The following DLGAP2 variants were observed in gnomAD, a reference collection of about 807,000 sequenced individuals.
DLGAP2 encodes the protein DLG associated protein 2.
A neutral mutation model predicts 100.3 loss-of-function variants in DLGAP2; 26 were observed. The ratio of observed to expected loss-of-function variants is 0.26; its 90% confidence interval spans 0.19 to 0.36. The LOEUF (loss-of-function observed/expected upper bound fraction) is 0.36. Among genes scored for constraint, DLGAP2 ranks in the 10% least tolerant of loss-of-function variants. DLGAP2 has a pLI of 1.00. For missense variants in DLGAP2, 1,858 were observed against 1,453.2 expected (o/e 1.28, Z -4.53); for synonymous variants, 886 against 630.1 (o/e 1.41, Z -6.08).
chr8:1,555,043 A>T (rs776887386), intron 5 of DLGAP2, among the ~76,000 whole-genome samples: 8 of 152,162 alleles, frequency 5.3e-5, no homozygotes, highest in Non-Finnish European at 1.2e-4. Context: ...GCAATTTGAA[A>T]GGAGGGCTTT....
intron 2 of DLGAP2, among the ~76,000 whole-genome samples, chr8:934,582 C>T (rs1186816867): frequency 2.0e-5 from 3 of 152,156 alleles, no homozygotes. Flanking sequence ...AGCGAGTGCT[C>T]ACTTCTGCGA....
At chr8:770,299 G>A (rs1271338653) in intron 1 of DLGAP2, among the ~76,000 whole-genome samples, 2 of 152,086 alleles carry the variant, frequency 1.3e-5, no homozygotes, top group Non-Finnish European at 2.9e-5. Context: ...GGAGGTGTGA[G>A]GGAGGCCTTG....
chr8:740,686 T>G (rs1367797983), intron 1 of DLGAP2, among the ~76,000 whole-genome samples: 2 of 152,258 alleles, frequency 1.3e-5, no homozygotes, highest in Admixed American at 6.5e-5. Flanking sequence ...TTGTTTTGTT[T>G]TATTTTGAAG....
chr8:1,420,417 C>G (rs1405116111), intron 3 of DLGAP2, among the ~76,000 whole-genome samples: 2 of 152,182 alleles, frequency 1.3e-5, no homozygotes, highest in African/African-American at 4.8e-5. Flanking sequence ...GCGATTCTCT[C>G]TTCCACTCTA....
chr8:935,013 G>A (rs933783879), intron 2 of DLGAP2, among the ~76,000 whole-genome samples: 4 of 152,060 alleles, frequency 2.6e-5, no homozygotes, highest in South Asian at 2.1e-4. Context: ...TGTATTACTC[G>A]GCTTCCGTTG....
At chr8:1,249,281 TCTGTGGGTC>T (rs1390214934) in intron 2 of DLGAP2, among the ~76,000 whole-genome samples, 10 of 152,160 alleles carry the variant, frequency 6.6e-5, no homozygotes, top group African/African-American at 2.4e-4. Flanking sequence ...ACTGGGCCTC[TCTGTGGGTC>T]CCGTGGGAAG....
At chr8:1,052,229 A>G (rs1282059170) in intron 2 of DLGAP2, among the ~76,000 whole-genome samples, 1 of 152,084 alleles carries the variant, frequency 6.6e-6, no homozygotes, top group Non-Finnish European at 1.5e-5. Flanking sequence ...ATGCATGTAG[A>G]CAGTTCATAC....
intron 3 of DLGAP2, among the ~76,000 whole-genome samples, chr8:1,281,683 C>T (rs1007908148): frequency 2.0e-5 from 3 of 152,148 alleles, no homozygotes; most frequent in African/African-American, 7.2e-5. Flanking sequence ...AAATTCAGCT[C>T]CCCACACTCC....
chr8:1,186,086 C>T (rs1220469323), intron 2 of DLGAP2, among the ~76,000 whole-genome samples: 1 of 152,158 alleles, frequency 6.6e-6, no homozygotes, highest in African/African-American at 2.4e-5. Context: ...GAATCCTGCC[C>T]GGGCCACCTC....
chr8:1,439,724 C>G (rs998529487), intron 3 of DLGAP2, among the ~76,000 whole-genome samples: 2 of 152,154 alleles, frequency 1.3e-5, no homozygotes, highest in African/African-American at 4.8e-5. Context: ...ATCCCCTAGG[C>G]TGCTTTGGAT....
At chr8:1,624,843 CTT>C (rs1251280017) in intron 6 of DLGAP2, among the ~76,000 whole-genome samples, 1 of 145,392 alleles carries the variant, frequency 6.9e-6, no homozygotes, top group Non-Finnish European at 1.5e-5. Flanking sequence ...CCTCCCTTTG[CTT>C]TCTCTCTCTC....
chr8:1,697,179 G>T lies in DLGAP2; in HGVS notation c.2829G>T (p.Gln943His), dbSNP rs1344567996. Residue 943 changes from glutamine to histidine, a missense_variant, in exon 14 of 15, where the codon CAG (glutamine) becomes CAT (histidine). Transcript: ENST00000637795. The part of the protein sequence containing the change: ...DPSAMPRPTS[Q>H]DLAGYWDMLQ... ...GCGCCATGCCGAGGCCGACGTCGCAGGACCTGGCCGGCTACTGGGACATGC... is the reference window on the plus strand; with the variant it reads ...GCGCCATGCCGAGGCCGACGTCGCATGACCTGGCCGGCTACTGGGACATGC... 4 of 1,607,068 alleles carry T rather than the reference G, an allele frequency of 2.5e-6. No individual in the cohort carries two copies. In the African/African-American group the frequency reaches 5.3e-5, roughly 21 times the overall value.
intron 2 of DLGAP2, among the ~76,000 whole-genome samples, chr8:1,064,594 C>G (rs905577730): frequency 6.6e-6 from 1 of 152,244 alleles, no homozygotes; most frequent in African/African-American, 2.4e-5. Flanking sequence ...TACTTAAACA[C>G]TATTTAATTT....
intron 2 of DLGAP2, among the ~76,000 whole-genome samples, chr8:1,175,136 C>G (rs1423884091): frequency 1.3e-5 from 2 of 152,134 alleles, no homozygotes; most frequent in African/African-American, 4.8e-5. Context: ...CTGGAAGAAT[C>G]TATTTTGTTA....
intron 3 of DLGAP2, among the ~76,000 whole-genome samples, chr8:1,446,574 G>T (rs2130090411): frequency 6.6e-6 from 1 of 152,184 alleles, no homozygotes; most frequent in South Asian, 2.1e-4. Context: ...TGGCGATGCG[G>T]GCTCTTTTTT....
intron 6 of DLGAP2, among the ~76,000 whole-genome samples, chr8:1,598,902 A>G (rs1424736228): frequency 6.6e-6 from 1 of 151,648 alleles, no homozygotes; most frequent in Non-Finnish European, 1.5e-5. Context: ...TTCTTGTCTT[A>G]TCTTAGCTTT....
At chr8:874,352 C>G (rs1252221387) in intron 1 of DLGAP2, among the ~76,000 whole-genome samples, 1 of 152,010 alleles carries the variant, frequency 6.6e-6, no homozygotes, top group Admixed American at 6.6e-5. Flanking sequence ...CTATAAATTT[C>G]CCTTGAACCC....
chr8:1,664,911 G>C (rs1443586358), intron 8 of DLGAP2, among the ~76,000 whole-genome samples: 2 of 152,154 alleles, frequency 1.3e-5, no homozygotes, highest in Admixed American at 6.5e-5. Flanking sequence ...TTGTCATCCA[G>C]GAAAAATCAC....
At chr8:1,162,094 A>T (rs1796903374) in intron 2 of DLGAP2, among the ~76,000 whole-genome samples, 1 of 152,172 alleles carries the variant, frequency 6.6e-6, no homozygotes, top group Non-Finnish European at 1.5e-5. Context: ...TTATCTCATT[A>T]ATGCCCGTAA....
Sources: allele counts gnomAD v4.1 joint callset (sites outside exome capture counted in the v4.1 genomes callset), GRCh38; gene constraint gnomAD v4.1.1; transcripts MANE v1.5; gene names NCBI Gene and HGNC (gene_info 2026-07-23, HGNC 2026-07-21).